Variants in PCDH15 observed in about 807,000 individuals in gnomAD.
PCDH15 encodes protocadherin related 15.
PCDH15 carries 129 observed loss-of-function variants against 178.5 expected under a neutral mutation model. The ratio of observed to expected loss-of-function variants is 0.72; its 90% confidence interval spans 0.63 to 0.84. The LOEUF is 0.84. Among genes scored for constraint, PCDH15 ranks in the 40% least tolerant of loss-of-function variants. The probability of loss-of-function intolerance (pLI) is 0.00; values close to 1 mark genes in which losing one functional copy is unlikely to be tolerated. For synonymous variants in PCDH15, 800 were observed against 732.0 expected, an observed-to-expected ratio of 1.09 and a Z score of -1.50; for missense variants, 2,230 against 2,099.9, an observed-to-expected ratio of 1.06 and a Z score of -1.21.
intron 21 of PCDH15, among the ~76,000 whole-genome samples, chr10:53,990,433 T>A (rs2091386091): frequency 6.6e-6 from 1 of 151,078 alleles, no homozygotes; most frequent in Non-Finnish European, 1.5e-5. Context: ...GGAGCATATT[T>A]ATTTCATAAA....
intron 13 of PCDH15, among the ~76,000 whole-genome samples, chr10:54,180,755 A>T (rs2047913848): frequency 6.6e-6 from 1 of 152,208 alleles, no homozygotes; most frequent in Non-Finnish European, 1.5e-5. Context: ...CTTCTACCAC[A>T]TACCAGAAAT....
chr10:55,304,669 G>T (rs1843372569), intron 1 of PCDH15, among the ~76,000 whole-genome samples: 1 of 152,104 alleles, frequency 6.6e-6, no homozygotes, highest in Non-Finnish European at 1.5e-5. Flanking sequence ...TGAACTAATT[G>T]AGAAAGGAAT....
chr10:55,242,767 T>C (rs747488538), intron 1 of PCDH15, among the ~76,000 whole-genome samples: 6 of 152,022 alleles, frequency 3.9e-5, no homozygotes, highest in Non-Finnish European at 5.9e-5. Context: ...GGGCGGATCA[T>C]CTGTGCCCAG....
chr10:54,658,794 T>A (rs1372451075), intron 2 of PCDH15, among the ~76,000 whole-genome samples: 1 of 152,172 alleles, frequency 6.6e-6, no homozygotes, highest in African/African-American at 2.4e-5. Context: ...CATGTCAATA[T>A]TAATCTTGAA....
At chr10:54,424,483 A>G (rs925646840) in intron 3 of PCDH15, among the ~76,000 whole-genome samples, 3 of 151,876 alleles carry the variant, frequency 2.0e-5, no homozygotes, top group Non-Finnish European at 2.9e-5. Context: ...TAGAAATACC[A>G]TTTGACCCAG....
intron 2 of PCDH15, among the ~76,000 whole-genome samples, chr10:55,508,658 C>G (rs1840813397): frequency 6.6e-6 from 1 of 151,692 alleles, no homozygotes; most frequent in Non-Finnish European, 1.5e-5. Flanking sequence ...AAGTTGTGAG[C>G]TTTCTAAACT....
intron 14 of PCDH15, among the ~76,000 whole-genome samples, chr10:54,144,811 G>T (rs371781496): frequency 1.6e-4 from 24 of 152,274 alleles, no homozygotes; most frequent in East Asian, 1.5e-3. Context: ...AAATGGAAAA[G>T]ATTTGCTGAC....
At chr10:54,226,253 AAG>A (rs749793824) in intron 9 of PCDH15, among the ~76,000 whole-genome samples, 2 of 152,194 alleles carry the variant, frequency 1.3e-5, no homozygotes, top group Non-Finnish European at 2.9e-5. Flanking sequence ...GCAGCAGGCA[AAG>A]AGAGAGAGAG....
intron 2 of PCDH15, among the ~76,000 whole-genome samples, chr10:55,104,892 T>A (rs1342764826): frequency 6.6e-6 from 1 of 152,222 alleles, no homozygotes; most frequent in Non-Finnish European, 1.5e-5. Flanking sequence ...TACTGTGATA[T>A]CCAGTTTACT....
intron 2 of PCDH15, among the ~76,000 whole-genome samples, chr10:55,392,167 A>T (rs1340765103): frequency 6.6e-6 from 1 of 152,172 alleles, no homozygotes; most frequent in East Asian, 1.9e-4. Context: ...CTGAACACAG[A>T]TCACCAAAAT....
chr10:53,813,169 A>G (rs933363563), intron 35 of PCDH15, among the ~76,000 whole-genome samples: 10 of 152,156 alleles, frequency 6.6e-5, no homozygotes, highest in Non-Finnish European at 1.2e-4. Context: ...TACAGCAAGC[A>G]TGTCCTCTCC....
intron 8 of PCDH15, among the ~76,000 whole-genome samples, chr10:54,296,144 CAAAAAAAA>C (rs59721161): frequency 1.0e-4 from 5 of 48,224 alleles, no homozygotes; most frequent in African/African-American, 2.4e-4. Flanking sequence ...GACTCCGTCT[CAAAAAAAA>C]AAAAAAAAAA....
In PCDH15 at chr10:54,442,385, T is replaced by G. The variant is rs2075843844; in HGVS notation, c.158-63443A>C. Among the ~76,000 whole-genome samples the G allele has an allele frequency of 2.7e-4, 23 of 84,962 alleles. 1 individual carries two copies. The highest frequency in any genetic ancestry group is 2.6e-3 in the Admixed American group (23 of 8,904). The allele number at this position is 84,962 out of a possible 152,430, so 55.7% of individuals were successfully genotyped here. On this transcript the variant is annotated intron_variant, in intron 3 of 37. Transcript: ENST00000644397. Reference sequence around the variant, plus strand: ...CACTTTTGGAGGGACAGTCTCCTTTTTTTTTAAAAAAAAAAAAGGCCTTAA... The same window carrying G: ...CACTTTTGGAGGGACAGTCTCCTTTGTTTTTAAAAAAAAAAAAGGCCTTAA...
intron 6 of PCDH15, among the ~76,000 whole-genome samples, chr10:54,337,649 C>T (rs141271896): frequency 1.8e-4 from 28 of 152,266 alleles, no homozygotes; most frequent in Admixed American, 3.3e-4. Flanking sequence ...TATGCCATCC[C>T]TACACTGGCC....
intron 2 of PCDH15, among the ~76,000 whole-genome samples, chr10:54,536,809 G>T (rs983373416): frequency 2.6e-5 from 4 of 152,028 alleles, no homozygotes; most frequent in Admixed American, 6.6e-5. Flanking sequence ...CATCCGTGTG[G>T]CTGCAAACAA....
intron 8 of PCDH15, among the ~76,000 whole-genome samples, chr10:54,286,807 T>C (rs2132871411): frequency 6.6e-6 from 1 of 152,290 alleles, no homozygotes; most frequent in East Asian, 1.9e-4. Context: ...TGTATTTTTT[T>C]AGTAGAGACG....
chr10:54,685,812 T>C (rs1461928303), intron 1 of PCDH15, among the ~76,000 whole-genome samples: 1 of 152,142 alleles, frequency 6.6e-6, no homozygotes, highest in Admixed American at 6.6e-5. Flanking sequence ...TTTATAATAG[T>C]GTTGAATATA....
chr10:54,925,269 T>C (rs1837588383), intron 2 of PCDH15, among the ~76,000 whole-genome samples: 1 of 152,200 alleles, frequency 6.6e-6, no homozygotes, highest in Non-Finnish European at 1.5e-5. Flanking sequence ...TGTGGCCACA[T>C]TTCTGGGTTC....
chr10:54,659,797 C>T (rs189684809), intron 2 of PCDH15, among the ~76,000 whole-genome samples: 1 of 148,844 alleles, frequency 6.7e-6, no homozygotes, highest in Non-Finnish European at 1.5e-5. Flanking sequence ...CTCAAAACCA[C>T]ACAAGTACAT....
Sources: allele counts gnomAD v4.1 joint callset (sites outside exome capture counted in the v4.1 genomes callset), GRCh38; gene constraint gnomAD v4.1.1; transcripts MANE v1.5; gene names NCBI Gene and HGNC (gene_info 2026-07-23, HGNC 2026-07-21).